The following TYW1B variants were observed in gnomAD, a reference collection of about 807,000 sequenced individuals.
TYW1B encodes tRNA-yW synthesizing protein 1 homolog B, also known as S-adenosyl-L-methionine-dependent tRNA 4-demethylwyosine synthase TYW1B.
TYW1B carries 73 observed loss-of-function variants against 86.9 expected under a neutral mutation model. The observed-to-expected ratio is 0.84, with a 90% CI of 0.70 to 1.02. TYW1B has a LOEUF of 1.02. Among genes scored for constraint, TYW1B ranks in the 50% least tolerant of loss-of-function variants. TYW1B has a pLI of 0.00. For synonymous variants in TYW1B, 248 were observed against 292.8 expected, an observed-to-expected ratio of 0.85 and a Z score of 1.56; for missense variants, 637 against 827.4, an observed-to-expected ratio of 0.77 and a Z score of 2.82.
chr7:72,649,092 T>C (rs1813000583), intron 11 of TYW1B, among the ~76,000 whole-genome samples: 1 of 152,110 alleles, frequency 6.6e-6, no homozygotes, highest in Admixed American at 6.6e-5. Flanking sequence ...CAGTCCATAG[T>C]ATGAAAATGA....
At chr7:72,714,989 T>C (rs1179302411) in intron 9 of TYW1B, among the ~76,000 whole-genome samples, 1 of 152,218 alleles carries the variant, frequency 6.6e-6, no homozygotes, top group East Asian at 1.9e-4. Context: ...GGTGCAAGGC[T>C]GGGCAATAAG....
intron 4 of TYW1B, among the ~76,000 whole-genome samples, chr7:72,809,662 A>T (rs1788563738): frequency 8.9e-6 from 1 of 112,486 alleles, no homozygotes; most frequent in African/African-American, 3.0e-5. Context: ...GAAAAAAATA[A>T]ACATAATTAA....
intron 13 of TYW1B, among the ~76,000 whole-genome samples, chr7:72,601,564 A>G (rs1811667394): frequency 6.6e-6 from 1 of 152,150 alleles, no homozygotes; most frequent in Non-Finnish European, 1.5e-5. Context: ...CTGTGCATTA[A>G]TGTTTAGAGC....
intron 8 of TYW1B, among the ~76,000 whole-genome samples, chr7:72,739,090 T>C (rs1456769498): frequency 1.3e-5 from 2 of 152,108 alleles, no homozygotes; most frequent in East Asian, 3.9e-4. Flanking sequence ...GGGATGATAG[T>C]ATTGTGGCTA....
At chr7:72,683,568 TCAAAA>T (rs797023042) in intron 11 of TYW1B, among the ~76,000 whole-genome samples, 220 of 152,186 alleles carry the variant, frequency 1.4e-3, no homozygotes, top group African/African-American at 4.5e-3. Context: ...AGACTCCGAC[TCAAAA>T]CAAAACAAAA....
At chr7:72,716,748 C>T (rs1786794054) in intron 9 of TYW1B, among the ~76,000 whole-genome samples, 2 of 151,998 alleles carry the variant, frequency 1.3e-5, no homozygotes, top group African/African-American at 4.8e-5. Flanking sequence ...AAGCAATTCT[C>T]CTGCCTCAGC....
intron 11 of TYW1B, among the ~76,000 whole-genome samples, chr7:72,670,039 G>C (rs1488757070): frequency 6.6e-6 from 1 of 152,090 alleles, no homozygotes; most frequent in Non-Finnish European, 1.5e-5. Context: ...GCTGAGGTGG[G>C]AGGATTGTTT....
At chr7:72,699,434 T>G (rs1814404084) in intron 10 of TYW1B, among the ~76,000 whole-genome samples, 2 of 152,128 alleles carry the variant, frequency 1.3e-5, no homozygotes, top group South Asian at 4.1e-4. Context: ...GTCACGTGGC[T>G]CCAGTGTGAT....
intron 13 of TYW1B, among the ~76,000 whole-genome samples, chr7:72,601,495 T>C (rs150670823): frequency 0.012 from 1,880 of 152,230 alleles, 22 homozygotes; most frequent in Middle Eastern, 0.027. Context: ...TACCATATGA[T>C]CCAGCAATTG....
At chr7:72,745,851 GGTGTGT>G (rs1162824267) in intron 7 of TYW1B, among the ~76,000 whole-genome samples, 10,418 of 74,960 alleles carry the variant, frequency 0.14, 642 homozygotes, top group East Asian at 0.39. Context: ...CGTGTATAGG[GGTGTGT>G]GTGTGTGTGT....
chr7:72,818,747 G>A (rs1788773327), intron 2 of TYW1B, among the ~76,000 whole-genome samples: 1 of 152,010 alleles, frequency 6.6e-6, no homozygotes, highest in South Asian at 2.1e-4. Flanking sequence ...GAAGGCAAAG[G>A]AGGAGCAGGC....
intron 9 of TYW1B, among the ~76,000 whole-genome samples, chr7:72,725,648 G>A (rs34734927): frequency 6.6e-6 from 1 of 152,180 alleles, no homozygotes; most frequent in Non-Finnish European, 1.5e-5. Context: ...ATGTGGATGG[G>A]CCTCATCCAA....
Position 72,644,664 on chromosome 7 carries a change from T to A in TYW1B, c.1507-15667A>T, listed in dbSNP as rs188944005. Among the ~76,000 whole-genome samples the A allele has an allele frequency of 7.5e-3, 1,134 of 152,146 alleles. 19 individuals are homozygous for A. The highest frequency in any genetic ancestry group is 0.027 in the African/African-American group (1,105 of 41,526). On this transcript the variant is annotated intron_variant, in intron 11 of 13. Transcript: ENST00000620995. ...AACAGGGCAGGAAAGGATTCTTTTT[T>A]AAAAAAATAAACAGCATTGAATCAA...
chr7:72,679,807 C>T (rs1468593953), intron 11 of TYW1B, among the ~76,000 whole-genome samples: 5 of 151,952 alleles, frequency 3.3e-5, no homozygotes, highest in East Asian at 1.9e-4. Context: ...CTGTTACTTA[C>T]GGAGTTATAC....
intron 11 of TYW1B, among the ~76,000 whole-genome samples, chr7:72,683,787 C>CA (rs1371458201): frequency 1.3e-5 from 2 of 152,158 alleles, no homozygotes; most frequent in Non-Finnish European, 1.5e-5. Flanking sequence ...CAGGCTCTGA[C>CA]ACGGCAGGGA....
intron 13 of TYW1B, among the ~76,000 whole-genome samples, chr7:72,576,253 G>C (rs1231438511): frequency 6.6e-6 from 1 of 152,164 alleles, no homozygotes; most frequent in Non-Finnish European, 1.5e-5. Context: ...TGGAAAGCCT[G>C]AACAATTTCA....
At chr7:72,817,056 A>C (rs1554479583) in intron 2 of TYW1B, among the ~76,000 whole-genome samples, 1 of 152,164 alleles carries the variant, frequency 6.6e-6, no homozygotes, top group Non-Finnish European at 1.5e-5. Context: ...AAGTGGGGGC[A>C]GTCTTGTGGG....
In TYW1B at chr7:72,787,640, G is replaced by A. The variant is rs140449384; in HGVS notation, c.847-10107C>T. 3.9e-3 allele frequency among the ~76,000 whole-genome samples: 582 copies of A among 148,464 alleles called. 2 individuals are homozygous for A. Among genetic ancestry groups the A allele is most frequent in the Middle Eastern group, 0.013 (3 of 236 alleles). On this transcript the variant is annotated intron_variant, in intron 6 of 13. Coordinates refer to ENST00000620995, the MANE Select transcript of TYW1B (RefSeq NM_001145440.3). ...ACAAAACTTAGCTGGTCGTGGTGGCGCGTACCTGCAGTCCCAGCTACTCGG... is the reference window on the plus strand; with the variant it reads ...ACAAAACTTAGCTGGTCGTGGTGGCACGTACCTGCAGTCCCAGCTACTCGG...
At chr7:72,761,727 A>G (rs1787689421) in intron 7 of TYW1B, among the ~76,000 whole-genome samples, 1 of 152,026 alleles carries the variant, frequency 6.6e-6, no homozygotes, top group Non-Finnish European at 1.5e-5. Context: ...AGAGAGAGAG[A>G]TGTGAAAAAA....
Sources: allele counts gnomAD v4.1 joint callset (sites outside exome capture counted in the v4.1 genomes callset), GRCh38; gene constraint gnomAD v4.1.1; transcripts MANE v1.5; gene names NCBI Gene and HGNC (gene_info 2026-07-23, HGNC 2026-07-21).